ULK4: variants seen among roughly 807,000 people sequenced by gnomAD.
ULK4 encodes the protein unc-51 like kinase 4.
Under a neutral mutation model 160.6 loss-of-function variants are expected in ULK4, and 133 were observed. The observed-to-expected ratio is 0.83, with a 90% CI of 0.72 to 0.96. The LOEUF is 0.96. Ranked by LOEUF, ULK4 falls within the 40% of genes least tolerant of loss-of-function variation. ULK4 has a pLI of 0.00. For synonymous variants in ULK4, 534 were observed against 539.8 expected (o/e 0.99, Z 0.15); for missense variants, 1,580 against 1,499.5 (o/e 1.05, Z -0.89).
chr3:41,513,197 A>G (rs551625862), intron 32 of ULK4, among the ~76,000 whole-genome samples: 122 of 152,362 alleles, frequency 8.0e-4, no homozygotes, highest in African/African-American at 2.7e-3. Flanking sequence ...TAAAGATTCT[A>G]GAAGATAACA....
chr3:41,720,892 C>A (rs947870218), intron 22 of ULK4, among the ~76,000 whole-genome samples: 2 of 152,020 alleles, frequency 1.3e-5, no homozygotes, highest in African/African-American at 4.8e-5. Context: ...AATAGATATA[C>A]CTGTACACAT....
intron 32 of ULK4, among the ~76,000 whole-genome samples, chr3:41,527,517 G>C (rs887915139): frequency 1.3e-5 from 2 of 152,210 alleles, no homozygotes; most frequent in African/African-American, 4.8e-5. Flanking sequence ...TAAGTCACCA[G>C]TATAGGGCTA....
chr3:41,600,077 T>C lies in ULK4; in HGVS notation c.3120+15592A>G, dbSNP rs549210017. On this transcript the variant is annotated intron_variant, in intron 31 of 36. Transcript: ENST00000301831. ...CAAATCTAATGACCAAATCCTTCTT[T>C]AATAGCTTTCCAAGGCTCATCAGAG... 3.3e-5 allele frequency among the ~76,000 whole-genome samples: 5 copies of C among 152,200 alleles called. No individual in the cohort carries two copies. The South Asian group carries it at 8.3e-4, about 25-fold the overall frequency.
intron 11 of ULK4, among the ~76,000 whole-genome samples, chr3:41,908,744 T>C (rs1462632381): frequency 6.6e-6 from 1 of 152,114 alleles, no homozygotes; most frequent in Non-Finnish European, 1.5e-5. Context: ...GTGCCCGGCC[T>C]GAGCTTTTCA....
intron 19 of ULK4, among the ~76,000 whole-genome samples, chr3:41,807,414 A>T (rs1244389139): frequency 2.6e-5 from 4 of 152,116 alleles, no homozygotes; most frequent in Non-Finnish European, 4.4e-5. Context: ...TTTCAATCCA[A>T]ATTTATGTAT....
intron 17 of ULK4, among the ~76,000 whole-genome samples, chr3:41,842,151 A>T (rs186280506): frequency 4.6e-5 from 7 of 151,410 alleles, no homozygotes; most frequent in Admixed American, 4.6e-4. Flanking sequence ...AAAAAAAAAA[A>T]AAGAAAATAA....
At chr3:41,370,680 C>T (rs866354019) in intron 35 of ULK4, among the ~76,000 whole-genome samples, 6 of 152,320 alleles carry the variant, frequency 3.9e-5, no homozygotes, top group Middle Eastern at 3.4e-3. Context: ...AGGAAATTCC[C>T]GCAGGTGCCT....
chr3:41,884,028 T>C (rs1697626736), intron 16 of ULK4, 76 bp from the exon 17 acceptor site: 2 of 1,018,366 alleles, frequency 2.0e-6, no homozygotes, highest in Non-Finnish European at 3.1e-6. Flanking sequence ...AGTTACATTA[T>C]GCAATGATGA....
At chr3:41,389,742 A>C (rs138369134) in intron 35 of ULK4, among the ~76,000 whole-genome samples, 3,771 of 152,258 alleles carry the variant, frequency 0.025, 168 homozygotes, top group African/African-American at 0.081. Context: ...ATGGTGGATA[A>C]GCTTCTTGAT....
chr3:41,640,745 C>T (rs1370880399), intron 30 of ULK4, among the ~76,000 whole-genome samples: 4 of 152,168 alleles, frequency 2.6e-5, no homozygotes, highest in African/African-American at 9.7e-5. Context: ...AAGAGACATA[C>T]TTTAAGCAGA....
At chr3:41,349,050 G>A (rs2080860871) in intron 35 of ULK4, among the ~76,000 whole-genome samples, 1 of 152,172 alleles carries the variant, frequency 6.6e-6, no homozygotes, top group Non-Finnish European at 1.5e-5. Flanking sequence ...AAACAGAAAT[G>A]GGGTTGGTGA....
chr3:41,460,740 A>G (rs2083663802), intron 33 of ULK4, among the ~76,000 whole-genome samples: 2 of 152,150 alleles, frequency 1.3e-5, no homozygotes, highest in Admixed American at 6.5e-5. Context: ...TACAGTAACC[A>G]CTTATTGGTC....
intron 12 of ULK4, among the ~76,000 whole-genome samples, chr3:41,905,561 AG>A (rs1340810204): frequency 6.6e-6 from 1 of 152,240 alleles, no homozygotes; most frequent in Non-Finnish European, 1.5e-5. Flanking sequence ...AAGACAATCC[AG>A]AAAAAGGGAG....
At chr3:41,861,368 A>G (rs2042493880) in intron 17 of ULK4, among the ~76,000 whole-genome samples, 1 of 151,998 alleles carries the variant, frequency 6.6e-6, no homozygotes, top group East Asian at 1.9e-4. Flanking sequence ...TTTGTCTGGG[A>G]GAGTCTTTAT....
At chr3:41,431,547 C>CTTTTTTTTTTTTTTTTTT (rs1553664758) in intron 34 of ULK4, among the ~76,000 whole-genome samples, 20 of 95,860 alleles carry the variant, frequency 2.1e-4, no homozygotes, top group East Asian at 4.4e-4. Context: ...AATTCCCTCC[C>CTTTTTTTTTTTTTTTTTT]TTTTTTTTTT....
rs745529957 is a variant in ULK4 at position 41,666,319 on chromosome 3, C to T, written c.2979-2620G>A. Among the ~76,000 whole-genome samples the T allele has an allele frequency of 2.2e-4, 33 of 152,146 alleles. 1 individual carries two copies. Among genetic ancestry groups the T allele is most frequent in the East Asian group, 5.8e-4 (3 of 5,204 alleles). ...GGCATGGCTCAAGGTCTCATGTATT[C>T]GAAGGCACTCTTACCAGGGAGGATA... On this transcript the variant is annotated intron_variant, in intron 29 of 36. Coordinates refer to ENST00000301831, the MANE Select transcript of ULK4 (RefSeq NM_017886.4).
intron 32 of ULK4, among the ~76,000 whole-genome samples, chr3:41,481,941 GA>G (rs1267405802): frequency 6.6e-6 from 1 of 151,114 alleles, no homozygotes; most frequent in African/African-American, 2.4e-5. Context: ...CCTTGTAGTA[GA>G]GCACATGACC....
chr3:41,813,625 A>C (rs2040878165), intron 19 of ULK4, among the ~76,000 whole-genome samples: 1 of 152,242 alleles, frequency 6.6e-6, no homozygotes, highest in South Asian at 2.1e-4. Flanking sequence ...GGAGCAAGTA[A>C]GTTAAATCTC....
chr3:41,255,414 C>T (rs919186532), intron 35 of ULK4, among the ~76,000 whole-genome samples: 1 of 152,068 alleles, frequency 6.6e-6, no homozygotes, highest in Non-Finnish European at 1.5e-5. Context: ...ACCCGGGAGG[C>T]GGAGGTTGCA....
Sources: allele counts gnomAD v4.1 joint callset (sites outside exome capture counted in the v4.1 genomes callset), GRCh38; gene constraint gnomAD v4.1.1; transcripts MANE v1.5; gene names NCBI Gene and HGNC (gene_info 2026-07-23, HGNC 2026-07-21).